Variants in COL6A5 observed in about 807,000 individuals in gnomAD.
COL6A5 encodes collagen alpha-5(VI) chain.
In COL6A5, 48 loss-of-function variants were observed where a neutral mutation model predicts 65.6. The ratio of observed to expected loss-of-function variants is 0.73; its 90% confidence interval spans 0.58 to 0.93. The LOEUF is 0.93. COL6A5 is among the 40% of genes least tolerant of loss of function. COL6A5 has a pLI of 0.00. For synonymous variants in COL6A5, 291 were observed against 322.8 expected (o/e 0.90, Z 1.05); for missense variants, 914 against 928.3 (o/e 0.98, Z 0.20).
chr3:130,429,100 A>G (rs1448187436), upstream of COL6A5, among the ~76,000 whole-genome samples: 1 of 152,186 alleles, frequency 6.6e-6, no homozygotes, highest in East Asian at 1.9e-4. Flanking sequence ...TATCAAAGAC[A>G]AAATTCACTT....
intron 5 of COL6A5, among the ~76,000 whole-genome samples, chr3:130,468,584 A>G (rs1408990993): frequency 6.6e-6 from 1 of 152,056 alleles, no homozygotes; most frequent in Non-Finnish European, 1.5e-5. Flanking sequence ...TTATGTGACA[A>G]TACATGTCAA....
intron 5 of COL6A5, among the ~76,000 whole-genome samples, chr3:130,456,666 T>C (rs819082): frequency 0.89 from 134,952 of 152,110 alleles, 60,268 homozygotes; most frequent in Non-Finnish European, 0.94. Flanking sequence ...AGCCATTCCA[T>C]CTATGCATCT....
chr3:130,437,357 C>T (rs189899733), intron 1 of COL6A5, among the ~76,000 whole-genome samples: 1 of 151,888 alleles, frequency 6.6e-6, no homozygotes, highest in Non-Finnish European at 1.5e-5. Flanking sequence ...AGAATTTGAC[C>T]ACTTCATAGT....
intron 7 of COL6A5, chr3:130,477,193 G>A: frequency 1.2e-6 from 1 of 834,898 alleles, no homozygotes; most frequent in Non-Finnish European, 1.9e-6. Flanking sequence ...ATCTATCTCT[G>A]AGTTGTTGAA....
At chr3:130,373,051 G>C (rs1935624974) in intron 1 of COL6A5, among the ~76,000 whole-genome samples, 1 of 152,204 alleles carries the variant, frequency 6.6e-6, no homozygotes, top group South Asian at 2.1e-4. Context: ...GAGCATAACT[G>C]TAAGTGAGGA....
chr3:130,369,955 C>G (rs1935490139), intron 1 of COL6A5, among the ~76,000 whole-genome samples: 1 of 152,166 alleles, frequency 6.6e-6, no homozygotes, highest in South Asian at 2.1e-4. Flanking sequence ...AGAGTTTGAG[C>G]ATTTGAAAGT....
upstream of COL6A5, among the ~76,000 whole-genome samples, chr3:130,427,830 A>G (rs1577499329): frequency 6.6e-6 from 1 of 152,052 alleles, no homozygotes. Context: ...AAATGTGGGC[A>G]GCTTGCAAGG....
chr3:130,472,832 C>CATACATATATATAT (rs1709988585), intron 7 of COL6A5, among the ~76,000 whole-genome samples: 1 of 99,404 alleles, frequency 1.0e-5, no homozygotes, highest in African/African-American at 3.9e-5. Context: ...TGTGTGTATA[C>CATACATATATATAT]ATATATATAT....
At chr3:130,421,289 T>C in intron 26 of COL6A5, 36 bp from the exon 27 acceptor site, 6 of 1,549,182 alleles carry the variant, frequency 3.9e-6, no homozygotes, top group Non-Finnish European at 5.2e-6. Flanking sequence ...AGAAGTGATA[T>C]GTTGATGTAT....
intron 1 of COL6A5, among the ~76,000 whole-genome samples, chr3:130,436,707 A>C (rs1280323760): frequency 6.6e-6 from 1 of 151,988 alleles, no homozygotes; most frequent in Non-Finnish European, 1.5e-5. Context: ...GCTGACTTTT[A>C]GTATACCTCA....
At chr3:130,421,027 C>A in intron 25 of COL6A5, 126 bp from the exon 26 acceptor site, 3 of 777,278 alleles carry the variant, frequency 3.9e-6, no homozygotes, top group South Asian at 1.8e-5. Flanking sequence ...GGTTCAAGGT[C>A]ACCAATTAGG....
rs112161111 is a variant in COL6A5, at chr3:130,444,899, A to G, written c.1332+1333A>G. ...AGAAGTTGTCCTTTGACCATTTCCC[A>G]TGAATGATCAGTCTTGTTATAGGAA... is the stretch of plus-strand genomic sequence containing the variant. On this transcript the variant is annotated intron_variant, in intron 4 of 7. Transcript: ENST00000512836. 2.0e-3 allele frequency among the ~76,000 whole-genome samples: 307 copies of G among 152,326 alleles called. 1 individual carries two copies. The highest frequency in any genetic ancestry group is 2.8e-3 in the Non-Finnish European group (188 of 68,008).
rs149857107 is a variant in COL6A5, at chr3:130,349,197, A to G, written c.-29+3216A>G. On this transcript the variant is annotated intron_variant and NMD_transcript_variant, in intron 1 of 41. Transcript: ENST00000312481. ...GACACCTCAAACGTTCTCTCTCAAGATGAAATAAGTCACTTCGTTAATTAA... is the reference window on the plus strand; with the variant it reads ...GACACCTCAAACGTTCTCTCTCAAGGTGAAATAAGTCACTTCGTTAATTAA... 6.4e-3 allele frequency among the ~76,000 whole-genome samples: 981 copies of G among 152,330 alleles called. 4 individuals are homozygous for G. Among genetic ancestry groups the G allele is most frequent in the Non-Finnish European group, 9.8e-3 (665 of 68,024 alleles).
chr3:130,463,139 G>A (rs1709737550), intron 5 of COL6A5, among the ~76,000 whole-genome samples: 1 of 152,080 alleles, frequency 6.6e-6, no homozygotes, highest in Non-Finnish European at 1.5e-5. Context: ...TAAATACTAA[G>A]AAAGTAGAAA....
chr3:130,450,592 G>A (rs1443642830), intron 4 of COL6A5, among the ~76,000 whole-genome samples: 2 of 152,118 alleles, frequency 1.3e-5, no homozygotes, highest in Admixed American at 1.3e-4. Flanking sequence ...TTTGTCGTTG[G>A]ACAGAACGCA....
chr3:130,347,776 G>A lies in COL6A5; in HGVS notation c.-29+1795G>A, dbSNP rs1577412800. ...GAGGGCACAAATTCACTTGGAATGT[G>A]TACTTTTCTTGGTATTGCAGTTTGC... On this transcript the variant is annotated intron_variant and NMD_transcript_variant, in intron 1 of 41. Coordinates refer to the COL6A5 transcript ENST00000312481. Among the ~76,000 whole-genome samples the A allele has an allele frequency of 3.3e-5, 5 of 152,272 alleles. No individual in the cohort carries two copies. In the East Asian group the frequency reaches 9.7e-4, roughly 29 times the overall value.
chr3:130,441,361 T>C (rs1709176391), intron 3 of COL6A5, among the ~76,000 whole-genome samples: 1 of 152,184 alleles, frequency 6.6e-6, no homozygotes, highest in Non-Finnish European at 1.5e-5. Flanking sequence ...ATGCTGCTGG[T>C]TCATGGATCA....
rs527773654 is a variant in COL6A5, at chr3:130,351,516, TA to T, written c.-29+5539del. Among the ~76,000 whole-genome samples the T allele has an allele frequency of 2.5e-3, 381 of 152,258 alleles. 1 individual carries two copies. Among genetic ancestry groups the T allele is most frequent in the African/African-American group, 8.8e-3 (365 of 41,546 alleles). ...GCAAAGTGTATGAACAGACACTTCT[TA>T]AAAGAAGACATTTATGCAGCCAACA... On this transcript the variant is annotated intron_variant and NMD_transcript_variant, in intron 1 of 41. Coordinates refer to the COL6A5 transcript ENST00000312481.
intron 5 of COL6A5, 149 bp downstream of exon 37, chr3:130,455,815 G>A (rs1243610206): frequency 1.6e-6 from 1 of 640,490 alleles, no homozygotes; most frequent in African/African-American, 1.8e-5. Context: ...TACTTTTATT[G>A]AAATTGAAGA....
Sources: allele counts gnomAD v4.1 joint callset (sites outside exome capture counted in the v4.1 genomes callset), GRCh38; gene constraint gnomAD v4.1.1; transcripts MANE v1.5; gene names NCBI Gene and HGNC (gene_info 2026-07-23, HGNC 2026-07-21).